SEMA4D: variants seen among roughly 807,000 people sequenced by gnomAD.
SEMA4D encodes the protein semaphorin-4D.
In SEMA4D, 22 loss-of-function variants were observed where a neutral mutation model predicts 74.8. The ratio of observed to expected loss-of-function variants is 0.29; its 90% CI spans 0.21 to 0.42. The LOEUF (loss-of-function observed/expected upper bound fraction) is 0.42, where lower values mean the gene tolerates loss of function less well. Ranked by LOEUF, SEMA4D falls within the 10% of genes least tolerant of loss-of-function variation. The pLI, the probability that SEMA4D is intolerant of heterozygous loss-of-function variation, is 1.00. For synonymous variants in SEMA4D, 445 were observed against 463.7 expected (o/e 0.96, Z 0.52); for missense variants, 937 against 1,118.4 (o/e 0.84, Z 2.31).
chr9:89,494,596 T>C (rs2136297532), intron 1 of SEMA4D, among the ~76,000 whole-genome samples: 1 of 152,366 alleles, frequency 6.6e-6, no homozygotes, highest in East Asian at 1.9e-4. Flanking sequence ...AATGATGCCA[T>C]CATGAAGTAA....
At chr9:89,445,918 G>A (rs1044020374) in intron 2 of SEMA4D, among the ~76,000 whole-genome samples, 8 of 152,108 alleles carry the variant, frequency 5.3e-5, no homozygotes, top group East Asian at 1.9e-4. Context: ...TCAGCTGGAG[G>A]TGCCATGCAG....
At chr9:89,491,571 A>C (rs890119361) in intron 1 of SEMA4D, among the ~76,000 whole-genome samples, 6 of 150,652 alleles carry the variant, frequency 4.0e-5, no homozygotes, top group Non-Finnish European at 8.9e-5. Flanking sequence ...TCTGTCTCAA[A>C]AACAACAACA....
intron 2 of SEMA4D, among the ~76,000 whole-genome samples, chr9:89,447,937 A>C (rs941892463): frequency 3.9e-4 from 59 of 152,192 alleles, no homozygotes; most frequent in Non-Finnish European, 1.6e-4. Flanking sequence ...CTCCCCTTGT[A>C]GAACCCGTCT....
chr9:89,458,178 T>C lies in SEMA4D; in HGVS notation c.-309-2225A>G, dbSNP rs142120897. On this transcript the variant is annotated intron_variant, in intron 1 of 15. Coordinates refer to ENST00000422704, the MANE Select transcript of SEMA4D (RefSeq NM_001371194.2). ...ACTCCACGGTGGCCTTACGTATGCA[T>C]GTGAGTGGCTGCGCAGGAAACACAG... Among the ~76,000 whole-genome samples the C allele has an allele frequency of 7.2e-3, 1,089 of 152,252 alleles. 6 individuals carry two copies. Among genetic ancestry groups the C allele is most frequent in the Non-Finnish European group, 0.012 (844 of 68,004 alleles).
chr9:89,466,744 T>C (rs938528226), intron 1 of SEMA4D, among the ~76,000 whole-genome samples: 1 of 152,216 alleles, frequency 6.6e-6, no homozygotes, highest in African/African-American at 2.4e-5. Flanking sequence ...GGACTGTGTT[T>C]CCAGTGAGTT....
Position 89,480,566 on chromosome 9 carries a change from G to C in SEMA4D, c.-310+17353C>G, listed in dbSNP as rs531930809. Among the ~76,000 whole-genome samples, 9 of 152,376 alleles carry C rather than the reference G, an allele frequency of 5.9e-5. No homozygotes were observed. In the East Asian group the frequency reaches 1.7e-3, roughly 29 times the overall value. On this transcript the variant is annotated intron_variant, in intron 1 of 15. Transcript: ENST00000422704. ...TGCAGGTCCCGAGCCCTGCCCCGTGGGAAGGCAGTCAAGGCCCGGTGAGAA... is the reference window on the plus strand; with the variant it reads ...TGCAGGTCCCGAGCCCTGCCCCGTGCGAAGGCAGTCAAGGCCCGGTGAGAA...
At chr9:89,462,050 G>A (rs539285125) in intron 1 of SEMA4D, among the ~76,000 whole-genome samples, 1 of 152,232 alleles carries the variant, frequency 6.6e-6, no homozygotes, top group South Asian at 2.1e-4. Flanking sequence ...GCTAGGATGA[G>A]TTTTACCAAC....
At chr9:89,462,975 G>GGAGAGAGCGAGGGGAGGGGAGC (rs1564882302) in intron 1 of SEMA4D, among the ~76,000 whole-genome samples, 1 of 116,638 alleles carries the variant, frequency 8.6e-6, no homozygotes, top group African/African-American at 3.0e-5. Context: ...CGAGGGGAGG[G>GGAGAGAGCGAGGGGAGGGGAGC]GAGCGAGGGA....
At chr9:89,465,102 CAT>C (rs974334035) in intron 1 of SEMA4D, among the ~76,000 whole-genome samples, 9 of 152,358 alleles carry the variant, frequency 5.9e-5, no homozygotes, top group African/African-American at 2.2e-4. Flanking sequence ...CACATTTCCA[CAT>C]ATCACCCAAG....
chr9:89,400,006 CAAAAAAAAAA>C (rs33925502), intron 4 of SEMA4D, among the ~76,000 whole-genome samples: 178 of 58,996 alleles, frequency 3.0e-3, no homozygotes, highest in African/African-American at 0.01. Context: ...GACTCCGTCT[CAAAAAAAAAA>C]AAAAAAAAAA....
chr9:89,486,003 G>C (rs1825177940), intron 1 of SEMA4D, among the ~76,000 whole-genome samples: 1 of 152,020 alleles, frequency 6.6e-6, no homozygotes, highest in Admixed American at 6.5e-5. Flanking sequence ...AGTCTTACAG[G>C]ACTGTGGTCA....
chr9:89,466,106 C>G (rs578149083), intron 1 of SEMA4D, among the ~76,000 whole-genome samples: 310 of 152,264 alleles, frequency 2.0e-3, no homozygotes, highest in Non-Finnish European at 2.9e-3. Context: ...CAGGACCACA[C>G]AGGGTGCACG....
chr9:89,422,607 TC>T (rs1847213659), intron 2 of SEMA4D, among the ~76,000 whole-genome samples: 1 of 152,234 alleles, frequency 6.6e-6, no homozygotes, highest in African/African-American at 2.4e-5. Context: ...CGTGGTGCCC[TC>T]AGCAGCCTGT....
At chr9:89,376,786 A>G, downstream of SEMA4D, 1 of 1,513,368 alleles carries the variant, frequency 6.6e-7, no homozygotes, top group South Asian at 1.2e-5. Context: ...CACCTGTGGG[A>G]GGAGACAGAT....
intron 2 of SEMA4D, among the ~76,000 whole-genome samples, chr9:89,435,480 G>A (rs754664939): frequency 6.6e-6 from 1 of 152,174 alleles, no homozygotes; most frequent in Admixed American, 6.5e-5. Context: ...GAGCTGTGGA[G>A]TTTCTGGTTT....
chr9:89,360,839 CAG>C (rs1832707169), exon 19 of SEMA4D: 1 of 152,218 alleles, frequency 6.6e-6, no homozygotes. Context: ...AAGAAAGACT[CAG>C]AAATTCATCC....
In SEMA4D at chr9:89,462,027, G is replaced by A. The variant is rs565245042; in HGVS notation, c.-309-6074C>T. Among the ~76,000 whole-genome samples the A allele has an allele frequency of 2.0e-5, 3 of 152,154 alleles. No individual in the cohort carries two copies. The East Asian group carries it at 5.8e-4, about 29-fold the overall frequency. On this transcript the variant is annotated intron_variant, in intron 1 of 15. Coordinates refer to ENST00000422704, the MANE Select transcript of SEMA4D (RefSeq NM_001371194.2). ...GATGTATATTTCTTGAACAACAAAT[G>A]GGTAATTTTAAGGCTAGGATGAGTT...
downstream of SEMA4D, among the ~76,000 whole-genome samples, chr9:89,373,077 G>A (rs1399138292): frequency 1.3e-5 from 2 of 152,072 alleles, no homozygotes; most frequent in African/African-American, 2.4e-5. Flanking sequence ...CCTTGGATGG[G>A]CACTGAGGCC....
At position 89,451,336 on chromosome 9, in the gene SEMA4D, T is replaced by C. The variant is rs371327067; in HGVS notation, c.-244+4552A>G. On this transcript the variant is annotated intron_variant, in intron 2 of 15. Transcript: ENST00000422704. ...TTTTAGGAGCTGGAGCCTTCACTTA[T>C]GAAGCAATTCCCATCTATGAAATGG... Among the ~76,000 whole-genome samples the C allele has an allele frequency of 1.4e-4, 22 of 152,380 alleles. No homozygotes were observed. In the East Asian group the frequency reaches 4.0e-3, roughly 28 times the overall value.
Sources: gnomAD v4.1 joint callset for allele counts (sites outside exome capture counted in the v4.1 genomes callset) on GRCh38, gnomAD v4.1.1 for gene constraint, MANE v1.5 for transcripts, NCBI Gene and HGNC (gene_info 2026-07-23, HGNC 2026-07-21) for gene names.